The following CSMD3 variants were observed in gnomAD, a reference collection of about 807,000 sequenced individuals.
CSMD3 encodes CUB and sushi domain-containing protein 3.
A neutral mutation model predicts 435.2 loss-of-function variants in CSMD3; 177 were observed. The observed-to-expected ratio is 0.41, with a 90% CI of 0.36 to 0.46. The LOEUF (loss-of-function observed/expected upper bound fraction) is 0.46. CSMD3 is among the 20% of genes least tolerant of loss of function. The probability of loss-of-function intolerance (pLI) is 0.34; values close to 1 mark genes in which losing one functional copy is unlikely to be tolerated. For missense variants in CSMD3, 4,265 were observed against 4,504.6 expected (o/e 0.95, Z 1.52); for synonymous variants, 1,656 against 1,520.5 (o/e 1.09, Z -2.07).
At chr8:113,394,414 T>C (rs1388249635) in intron 1 of CSMD3, among the ~76,000 whole-genome samples, 3 of 152,092 alleles carry the variant, frequency 2.0e-5, no homozygotes, top group Admixed American at 6.6e-5. Flanking sequence ...ATTTAGAAAA[T>C]ACCAAGTTTG....
At chr8:112,906,004 TTCC>T (rs1202832867) in intron 10 of CSMD3, among the ~76,000 whole-genome samples, 1 of 151,472 alleles carries the variant, frequency 6.6e-6, no homozygotes, top group Non-Finnish European at 1.5e-5. Context: ...GAGCTAGCTC[TTCC>T]TCTTTTTACT....
At chr8:112,401,546 A>C (rs1831345076) in intron 35 of CSMD3, among the ~76,000 whole-genome samples, 1 of 152,174 alleles carries the variant, frequency 6.6e-6, no homozygotes, top group African/African-American at 2.4e-5. Context: ...TTAAAATTGT[A>C]GTAATAATTA....
chr8:113,245,522 T>G (rs1016164800), intron 3 of CSMD3, among the ~76,000 whole-genome samples: 3 of 152,072 alleles, frequency 2.0e-5, no homozygotes, highest in Admixed American at 2.0e-4. Context: ...TAAAAAACTT[T>G]AATATATGCC....
chr8:112,624,381 T>A (rs1006203114), intron 22 of CSMD3, among the ~76,000 whole-genome samples: 1 of 152,104 alleles, frequency 6.6e-6, no homozygotes, highest in African/African-American at 2.4e-5. Flanking sequence ...AAAATAAAAC[T>A]ATATAATGTC....
chr8:112,301,668 T>G (rs1378903321), intron 53 of CSMD3, 125 bp downstream of exon 53: 1 of 721,444 alleles, frequency 1.4e-6, no homozygotes, highest in Non-Finnish European at 2.4e-6. Flanking sequence ...ATAAGTATTT[T>G]CTGGTTTTTA....
At chr8:112,837,507 T>C (rs2080061431) in intron 11 of CSMD3, among the ~76,000 whole-genome samples, 1 of 151,758 alleles carries the variant, frequency 6.6e-6, no homozygotes, top group African/African-American at 2.4e-5. Flanking sequence ...TGAAATAGTG[T>C]TTATAATTTC....
intron 12 of CSMD3, among the ~76,000 whole-genome samples, chr8:112,805,971 C>A (rs1386063646): frequency 6.6e-6 from 1 of 152,082 alleles, no homozygotes; most frequent in East Asian, 1.9e-4. Context: ...TACAACTCCC[C>A]CTTCACAAGG....
At chr8:112,342,660 C>T (rs1389535618) in intron 41 of CSMD3, among the ~76,000 whole-genome samples, 1 of 151,970 alleles carries the variant, frequency 6.6e-6, no homozygotes, top group Non-Finnish European at 1.5e-5. Context: ...GGCATTCAGA[C>T]TCTTAAGCTT....
chr8:112,970,486 GATAT>G (rs2084610564), intron 7 of CSMD3, among the ~76,000 whole-genome samples: 1 of 150,480 alleles, frequency 6.6e-6, no homozygotes, highest in Non-Finnish European at 1.5e-5. Flanking sequence ...AATGTCACTA[GATAT>G]ATATCCGTTA....
intron 5 of CSMD3, among the ~76,000 whole-genome samples, chr8:113,054,067 G>A (rs1023454743): frequency 6.6e-6 from 1 of 151,972 alleles, no homozygotes; most frequent in Non-Finnish European, 1.5e-5. Flanking sequence ...GAACTATATG[G>A]AAAACTTTAG....
intron 32 of CSMD3, among the ~76,000 whole-genome samples, chr8:112,424,794 C>T (rs1812885512): frequency 6.6e-6 from 1 of 152,106 alleles, no homozygotes; most frequent in Non-Finnish European, 1.5e-5. Flanking sequence ...CAGGTTCAAG[C>T]AGTTCTCCTG....
At chr8:112,746,740 C>CT (rs140635837) in intron 13 of CSMD3, among the ~76,000 whole-genome samples, 2,065 of 152,096 alleles carry the variant, frequency 0.014, 26 homozygotes, top group Middle Eastern at 0.045. Flanking sequence ...GAAAAGTTGC[C>CT]TAAAGGCAAC....
intron 13 of CSMD3, among the ~76,000 whole-genome samples, chr8:112,755,760 G>T (rs1440858265): frequency 1.3e-5 from 2 of 150,222 alleles, no homozygotes; most frequent in Non-Finnish European, 3.0e-5. Context: ...AGGAAGAGGA[G>T]AGGAAAGAAC....
chr8:113,037,327 A>C (rs2087397072), intron 5 of CSMD3, among the ~76,000 whole-genome samples: 1 of 152,226 alleles, frequency 6.6e-6, no homozygotes, highest in African/African-American at 2.4e-5. Context: ...TGTGGTCTTC[A>C]ATTTCATTAC....
At chr8:112,768,535 AT>A (rs2078036470) in intron 13 of CSMD3, among the ~76,000 whole-genome samples, 1 of 151,908 alleles carries the variant, frequency 6.6e-6, no homozygotes, top group Non-Finnish European at 1.5e-5. Context: ...GTCCTGACAC[AT>A]TTTTAGAGTG....
intron 4 of CSMD3, among the ~76,000 whole-genome samples, chr8:113,102,246 G>A (rs923387164): frequency 2.0e-5 from 3 of 152,074 alleles, no homozygotes; most frequent in African/African-American, 7.2e-5. Context: ...AAAGTGGGGG[G>A]TTCACAGAAG....
intron 22 of CSMD3, among the ~76,000 whole-genome samples, chr8:112,631,360 A>G (rs2074509459): frequency 6.6e-6 from 1 of 152,094 alleles, no homozygotes; most frequent in Non-Finnish European, 1.5e-5. Flanking sequence ...AAAGCCCTAA[A>G]TATTTACTGT....
rs189941219 is a variant in CSMD3, at chr8:112,285,927, T to C, written c.9331+1137A>G. On this transcript the variant is annotated intron_variant, in intron 58 of 70. Coordinates refer to ENST00000297405, the MANE Select transcript of CSMD3 (RefSeq NM_198123.2). The stretch of plus-strand genomic sequence containing the variant: ...AGAGATGTGGTCTCAGGCTGGGTCC[T>C]ACTCAGGCTGGTTCAAACTCCTGGC... 7.5e-3 allele frequency among the ~76,000 whole-genome samples: 1,147 copies of C among 151,940 alleles called. 20 individuals are homozygous for C. The highest frequency in any genetic ancestry group is 0.026 in the African/African-American group (1,073 of 41,450).
intron 3 of CSMD3, among the ~76,000 whole-genome samples, chr8:113,253,610 G>A (rs963159824): frequency 1.3e-5 from 2 of 151,986 alleles, no homozygotes; most frequent in African/African-American, 4.8e-5. Context: ...GGTAGGCCGA[G>A]GCGGGCAGAT....
Sources: gnomAD v4.1 joint callset for allele counts (sites outside exome capture counted in the v4.1 genomes callset) on GRCh38, gnomAD v4.1.1 for gene constraint, MANE v1.5 for transcripts, NCBI Gene and HGNC (gene_info 2026-07-23, HGNC 2026-07-21) for gene names.